KDM4C: variants seen among roughly 807,000 people sequenced by gnomAD.
The protein encoded by KDM4C is lysine demethylase 4C, also known as lysine-specific demethylase 4C.
A neutral mutation model predicts 129.3 loss-of-function variants in KDM4C; 81 were observed. The observed-to-expected ratio is 0.63, with a 90% CI of 0.52 to 0.75. The LOEUF is 0.75. Among genes scored for constraint, KDM4C ranks in the 30% least tolerant of loss-of-function variants. The probability of loss-of-function intolerance (pLI) is 0.00; values close to 1 mark genes in which losing one functional copy is unlikely to be tolerated. For missense variants in KDM4C, 1,457 were observed against 1,304.0 expected (o/e 1.12, Z -1.81); for synonymous variants, 573 against 456.1 (o/e 1.26, Z -3.26).
chr9:6,799,320 T>C (rs544853693), intron 2 of KDM4C, among the ~76,000 whole-genome samples: 145 of 152,322 alleles, frequency 9.5e-4, no homozygotes, highest in African/African-American at 2.0e-3. Context: ...CCCGGCATCT[T>C]GGGAGGCCGA....
At chr9:6,937,088 G>A (rs1326691340) in intron 8 of KDM4C, among the ~76,000 whole-genome samples, 1 of 152,140 alleles carries the variant, frequency 6.6e-6, no homozygotes, top group African/African-American at 2.4e-5. Context: ...AAACAAGTAA[G>A]TTATTGTAGT....
At chr9:6,850,956 T>C (rs1369394727) in intron 5 of KDM4C, among the ~76,000 whole-genome samples, 2 of 151,304 alleles carry the variant, frequency 1.3e-5, no homozygotes, top group African/African-American at 2.4e-5. Context: ...GGTTTCACCA[T>C]GTTGGCCAGG....
Position 7,046,864 on chromosome 9 carries a change from A to G in KDM4C, c.2262A>G (p.Glu754=), listed in dbSNP as rs372768045. The change falls in exon 16 of 22, where the codon GAA becomes GAG. Residue 754 remains glutamate (E), a splice_region_variant and synonymous_variant. Coordinates refer to ENST00000381309, the MANE Select transcript of KDM4C (RefSeq NM_015061.6). ...GTGGTATTTTCTTTTCCCCCCAGGA[A>G]TGCTGTCTCTGCAATTTGAGAGGAG... ...ARCKRNAWTA[E]CCLCNLRGGA... The G allele has an allele frequency of 7.4e-5, 119 of 1,606,110 alleles. No homozygotes were observed. The highest frequency in any genetic ancestry group is 1.0e-4 in the Non-Finnish European group (117 of 1,173,236).
At chr9:7,037,024 C>G (rs1257488854) in intron 15 of KDM4C, among the ~76,000 whole-genome samples, 1 of 152,200 alleles carries the variant, frequency 6.6e-6, no homozygotes, top group African/African-American at 2.4e-5. Context: ...CTCATACCAG[C>G]TCTGTCCTTC....
Position 6,799,914 on chromosome 9 carries a change from T to C in KDM4C, c.145-5685T>C, listed in dbSNP as rs191090233. ...TATTCATATTCATATAGTCTGATTG[T>C]TCATATTCTTTTCAAATATTGAGTG... On this transcript the variant is annotated intron_variant, in intron 2 of 21. Transcript: ENST00000381309. 5.3e-5 allele frequency among the ~76,000 whole-genome samples: 8 copies of C among 152,224 alleles called. 1 individual carries two copies. The East Asian group carries it at 1.2e-3, about 22-fold the overall frequency.
chr9:6,854,538 A>AG (rs946906350), intron 5 of KDM4C, among the ~76,000 whole-genome samples: 6 of 146,000 alleles, frequency 4.1e-5, no homozygotes, highest in Admixed American at 3.4e-4. Context: ...AAAAAAAAAA[A>AG]AAAAAAACAA....
At chr9:6,954,248 C>T (rs576313119) in intron 8 of KDM4C, among the ~76,000 whole-genome samples, 1 of 152,162 alleles carries the variant, frequency 6.6e-6, no homozygotes, top group Admixed American at 6.6e-5. Flanking sequence ...TGACTTTCTC[C>T]TCTTTTCTCC....
intron 1 of KDM4C, among the ~76,000 whole-genome samples, chr9:6,743,392 T>C (rs1295738664): frequency 6.6e-6 from 1 of 152,168 alleles, no homozygotes; most frequent in Non-Finnish European, 1.5e-5. Context: ...ACTGAGTTAA[T>C]GAGCAACAAG....
chr9:6,952,760 A>G (rs1213133080), intron 8 of KDM4C, among the ~76,000 whole-genome samples: 3 of 152,124 alleles, frequency 2.0e-5, no homozygotes, highest in Non-Finnish European at 4.4e-5. Context: ...GTTTTAAAAG[A>G]AAGATCATGT....
chr9:7,172,739 T>A (rs900854716), intron 21 of KDM4C, among the ~76,000 whole-genome samples: 2 of 152,238 alleles, frequency 1.3e-5, no homozygotes, highest in Non-Finnish European at 2.9e-5. Context: ...CAGGCTTCCT[T>A]GTGGCTGTTT....
chr9:6,816,644 A>G (rs983391342), intron 4 of KDM4C, among the ~76,000 whole-genome samples: 2 of 152,200 alleles, frequency 1.3e-5, no homozygotes, highest in South Asian at 2.1e-4. Flanking sequence ...TCCTATAGCA[A>G]TGTTTTCAAG....
At chr9:7,016,088 G>C (rs529371774) in intron 15 of KDM4C, among the ~76,000 whole-genome samples, 159 bp downstream of exon 15, 1 of 151,866 alleles carries the variant, frequency 6.6e-6, no homozygotes, top group African/African-American at 2.4e-5. Flanking sequence ...CATCTTACCT[G>C]CTGGTTCTAT....
At chr9:6,765,175 CAT>C (rs1198998203) in intron 1 of KDM4C, among the ~76,000 whole-genome samples, 2 of 152,102 alleles carry the variant, frequency 1.3e-5, no homozygotes, top group Non-Finnish European at 2.9e-5. Context: ...AAATTCCTGC[CAT>C]ATCTCTTTCT....
rs187062452 is a variant in KDM4C at position 7,133,859 on chromosome 9, T to G, written c.2781+5623T>G. On this transcript the variant is annotated intron_variant, in intron 19 of 21. Coordinates refer to ENST00000381309, the MANE Select transcript of KDM4C (RefSeq NM_015061.6). ...TAGAACAGAGTTGTTCCCAGAAACG[T>G]TCTCTACTGTGGGATCCCGGGAAAC... 3.3e-5 allele frequency among the ~76,000 whole-genome samples: 5 copies of G among 152,272 alleles called. No individual in the cohort carries two copies. In the East Asian group the frequency reaches 9.6e-4, roughly 29 times the overall value.
At position 6,884,035 on chromosome 9, in the gene KDM4C, G is replaced by A. The variant is rs114176072; in HGVS notation, c.680-3925G>A. 8.6e-3 allele frequency among the ~76,000 whole-genome samples: 1,315 copies of A among 152,130 alleles called. 12 individuals carry two copies. Among genetic ancestry groups the A allele is most frequent in the African/African-American group, 0.03 (1,242 of 41,502 alleles). On this transcript the variant is annotated intron_variant, in intron 6 of 21. Coordinates refer to ENST00000381309, the MANE Select transcript of KDM4C (RefSeq NM_015061.6). ...GGAAAAAACTTGCCCATTACACAAC[G>A]CGCACCATGTCTAGGAGATTAAAAC...
chr9:7,086,157 C>CA lies in KDM4C; in HGVS notation c.2425-17520dup, dbSNP rs555474755. Reference sequence around the variant, plus strand: ...TGAGCGACAGAGCCAGACCCCGTCTCAAAAAAAACAAAAACAGTTATTCTT... The same window carrying CA: ...TGAGCGACAGAGCCAGACCCCGTCTCAAAAAAAAACAAAAACAGTTATTCTT... On this transcript the variant is annotated intron_variant, in intron 17 of 21. Transcript: ENST00000381309. 4.7e-3 allele frequency among the ~76,000 whole-genome samples: 717 copies of CA among 151,438 alleles called. 6 individuals are homozygous for CA. The highest frequency in any genetic ancestry group is 0.016 in the African/African-American group (657 of 41,312).
chr9:6,923,580 C>T (rs12156540), intron 8 of KDM4C, among the ~76,000 whole-genome samples: 5,377 of 152,112 alleles, frequency 0.035, 136 homozygotes, highest in Middle Eastern at 0.099. Context: ...TCTTATTTGC[C>T]GAGGGATCAT....
chr9:6,984,353 G>C lies in KDM4C; in HGVS notation c.1303G>C (p.Ala435Pro), dbSNP rs1241990695. Residue 435 changes from alanine to proline, a missense_variant, in exon 10 of 22, where the codon GCT (alanine) becomes CCT (proline). By Grantham distance (27) the Ala-to-Pro change is conservative. Coordinates refer to ENST00000381309, the MANE Select transcript of KDM4C (RefSeq NM_015061.6). ...AGCATCTTCAGAAGAAGAGTCATCT[G>C]CTAGCAGGATGCAGGTGGAGCAGAA... is the stretch of plus-strand genomic sequence containing the variant. ...TEASSEEESSASRMQVEQNLS... is the reference protein window; with the variant it reads ...TEASSEEESSPSRMQVEQNLS... The C allele has an allele frequency of 6.2e-7, 1 of 1,613,966 alleles. No individual in the cohort carries two copies. The highest frequency in any genetic ancestry group is 2.2e-5 in the East Asian group (1 of 44,882).
intron 15 of KDM4C, among the ~76,000 whole-genome samples, chr9:7,039,606 G>A (rs1189329222): frequency 1.3e-5 from 2 of 152,004 alleles, no homozygotes; most frequent in African/African-American, 4.8e-5. Context: ...TTTACTGGAA[G>A]CCTTATTGAT....
Sources: gnomAD v4.1 joint callset for allele counts (sites outside exome capture counted in the v4.1 genomes callset) on GRCh38, gnomAD v4.1.1 for gene constraint, MANE v1.5 for transcripts, NCBI Gene and HGNC (gene_info 2026-07-23, HGNC 2026-07-21) for gene names.